The following EXOC6 variants were observed in gnomAD, a reference collection of about 807,000 sequenced individuals.
The protein encoded by EXOC6 is exocyst complex component 6.
In EXOC6, 60 loss-of-function variants were observed where a neutral mutation model predicts 112.5. The ratio of observed to expected loss-of-function variants is 0.53; its 90% CI spans 0.43 to 0.66. The LOEUF is 0.66. Among genes scored for constraint, EXOC6 ranks in the 30% least tolerant of loss-of-function variants. The pLI, the probability that EXOC6 is intolerant of heterozygous loss-of-function variation, is 0.00. For missense variants in EXOC6, 855 were observed against 957.1 expected, an observed-to-expected ratio of 0.89 and a Z score of 1.41; for synonymous variants, 295 against 308.0, an observed-to-expected ratio of 0.96 and a Z score of 0.44.
chr10:92,925,836 A>T (rs921602745), intron 8 of EXOC6, among the ~76,000 whole-genome samples: 6 of 151,890 alleles, frequency 4.0e-5, no homozygotes, highest in Non-Finnish European at 4.4e-5. Context: ...ATTAAAAAAA[A>T]AATTTTTTTT....
chr10:93,007,108 T>C (rs1418000755), intron 19 of EXOC6, among the ~76,000 whole-genome samples: 2 of 152,114 alleles, frequency 1.3e-5, no homozygotes, highest in African/African-American at 4.8e-5. Context: ...TAGAACAAGA[T>C]TTTTCAAGGA....
intron 6 of EXOC6, among the ~76,000 whole-genome samples, chr10:92,912,622 A>C (rs1317302015): frequency 6.6e-6 from 1 of 152,204 alleles, no homozygotes; most frequent in African/African-American, 2.4e-5. Flanking sequence ...GTGCATCAGT[A>C]ATTTGTAACA....
intron 20 of EXOC6, among the ~76,000 whole-genome samples, chr10:93,040,640 A>G (rs1845722234): frequency 6.6e-6 from 1 of 152,164 alleles, no homozygotes; most frequent in South Asian, 2.1e-4. Flanking sequence ...ATAATTGATT[A>G]TTCTTATTTT....
intron 9 of EXOC6, among the ~76,000 whole-genome samples, chr10:92,931,575 A>G (rs1177142200): frequency 6.6e-6 from 1 of 151,308 alleles, no homozygotes; most frequent in Non-Finnish European, 1.5e-5. Flanking sequence ...TGTCTATTCA[A>G]ATCTTTTGTC....
chr10:92,896,167 ATATATATATATATATTTTTT>A (rs1849786115), intron 4 of EXOC6, among the ~76,000 whole-genome samples: 1 of 23,460 alleles, frequency 4.3e-5, no homozygotes, highest in African/African-American at 2.1e-4. Context: ...ATATATATAT[ATATATATATATATATTTTTT>A]TTTTTTTTTT....
chr10:92,953,436 C>T (rs972833187), intron 15 of EXOC6, among the ~76,000 whole-genome samples: 6 of 152,136 alleles, frequency 3.9e-5, no homozygotes, highest in African/African-American at 1.2e-4. Flanking sequence ...AAATGTTAGC[C>T]TGTATCTAAG....
intron 1 of EXOC6, among the ~76,000 whole-genome samples, chr10:92,827,977 A>G (rs540861094): frequency 1.3e-5 from 2 of 152,304 alleles, no homozygotes; most frequent in South Asian, 2.1e-4. Context: ...TCAGTAGCAT[A>G]TAACATTCCT....
At chr10:92,876,310 G>A (rs972107557) in intron 1 of EXOC6, among the ~76,000 whole-genome samples, 3 of 152,114 alleles carry the variant, frequency 2.0e-5, no homozygotes, top group Admixed American at 2.0e-4. Flanking sequence ...ATTGAACATT[G>A]CCAATGTTTT....
chr10:92,954,811 C>T (rs774158073), intron 16 of EXOC6, 70 bp downstream of exon 16: 27 of 697,526 alleles, frequency 3.9e-5, no homozygotes, highest in Non-Finnish European at 5.4e-5. Flanking sequence ...TATTGCTGAA[C>T]GTCATTCTGT....
At chr10:92,844,901 A>T (rs1486621338), upstream of EXOC6, among the ~76,000 whole-genome samples, 1 of 152,222 alleles carries the variant, frequency 6.6e-6, no homozygotes, top group Admixed American at 6.5e-5. Flanking sequence ...GAATTCAAGT[A>T]GTTAAATGCC....
chr10:92,935,599 T>C (rs997972677), intron 11 of EXOC6, among the ~76,000 whole-genome samples: 3 of 152,150 alleles, frequency 2.0e-5, no homozygotes, highest in African/African-American at 7.2e-5. Flanking sequence ...TTTTGAAATA[T>C]AAGCATCATA....
chr10:92,953,893 AAATTT>A (rs1327855138), intron 15 of EXOC6, among the ~76,000 whole-genome samples: 12 of 152,218 alleles, frequency 7.9e-5, no homozygotes, highest in African/African-American at 2.9e-4. Flanking sequence ...ATTAAAAATT[AAATTT>A]GTTTATTATA....
chr10:93,036,237 AAAG>A (rs1458302528), intron 20 of EXOC6, among the ~76,000 whole-genome samples: 1 of 152,038 alleles, frequency 6.6e-6, no homozygotes, highest in Non-Finnish European at 1.5e-5. Context: ...AAAAGAAAAA[AAAG>A]AGAAAGCTCT....
intron 1 of EXOC6, among the ~76,000 whole-genome samples, chr10:92,875,916 T>A (rs1848668643): frequency 6.6e-6 from 1 of 152,046 alleles, no homozygotes; most frequent in Non-Finnish European, 1.5e-5. Context: ...AAATATTCAT[T>A]AAAAAAATTT....
At position 92,828,867 on chromosome 10, in the gene EXOC6, T is replaced by G. The variant is rs189753507; in HGVS notation, c.-27+1923T>G. ...TTGCCAGGGGTGGGCCACTTTCATC[T>G]GGTATTCTTCTACTGATAGAGGAGT... On this transcript the variant is annotated intron_variant, in intron 1 of 22. Transcript: ENST00000671701. Among the ~76,000 whole-genome samples, 52 of 152,060 alleles carry G rather than the reference T, an allele frequency of 3.4e-4. 1 individual carries two copies. The highest frequency in any genetic ancestry group is 1.3e-3 in the African/African-American group (52 of 41,442).
intron 1 of EXOC6, among the ~76,000 whole-genome samples, chr10:92,867,643 C>G (rs1848240995): frequency 6.6e-6 from 1 of 152,060 alleles, no homozygotes; most frequent in African/African-American, 2.4e-5. Context: ...GACCCTCACA[C>G]AAATGTAAAA....
intron 20 of EXOC6, among the ~76,000 whole-genome samples, chr10:93,047,275 G>A (rs1414958916): frequency 2.0e-5 from 3 of 152,240 alleles, no homozygotes; most frequent in East Asian, 1.9e-4. Flanking sequence ...GGTGGCTCAC[G>A]CCTATAATCC....
intron 15 of EXOC6, among the ~76,000 whole-genome samples, 196 bp from the exon 16 acceptor site, chr10:92,954,434 A>G (rs1215809809): frequency 6.6e-6 from 1 of 152,188 alleles, no homozygotes; most frequent in Non-Finnish European, 1.5e-5. Flanking sequence ...TGAATATTCT[A>G]CTTTATGGAA....
At chr10:92,995,403 GA>G (rs1843442873) in intron 18 of EXOC6, among the ~76,000 whole-genome samples, 1 of 140,222 alleles carries the variant, frequency 7.1e-6, no homozygotes, top group Non-Finnish European at 1.6e-5. Flanking sequence ...GTTTGCTTAT[GA>G]AATTAATTTA....
Sources: allele counts gnomAD v4.1 joint callset (sites outside exome capture counted in the v4.1 genomes callset), GRCh38; gene constraint gnomAD v4.1.1; transcripts MANE v1.5; gene names NCBI Gene and HGNC (gene_info 2026-07-23, HGNC 2026-07-21).